The following DCAF6 variants were observed in gnomAD, a reference collection of about 807,000 sequenced individuals.
The protein encoded by DCAF6 is DDB1 and CUL4 associated factor 6.
A neutral mutation model predicts 125.1 loss-of-function variants in DCAF6; 54 were observed. That is an observed-to-expected ratio of 0.43 (90% confidence interval 0.35 to 0.54). The LOEUF (loss-of-function observed/expected upper bound fraction) is 0.54, where lower values mean the gene tolerates loss of function less well. DCAF6 is among the 20% of genes least tolerant of loss of function. DCAF6 has a pLI of 0.01. For synonymous variants in DCAF6, 371 were observed against 390.4 expected (o/e 0.95, Z 0.58); for missense variants, 934 against 1,161.7 (o/e 0.80, Z 2.85).
the DCAF6 span, among the ~76,000 whole-genome samples, chr1:167,892,468 C>T: frequency 6.6e-6 from 1 of 152,282 alleles, no homozygotes; most frequent in Admixed American, 6.5e-5. Flanking sequence ...ACCAGGTAAA[C>T]ATTTTTCCTA....
At chr1:168,032,082 T>C (rs541313497) in intron 12 of DCAF6, among the ~76,000 whole-genome samples, 2 of 152,364 alleles carry the variant, frequency 1.3e-5, no homozygotes, top group South Asian at 2.1e-4. Flanking sequence ...GTTAAAATTA[T>C]TATAATTGAC....
the DCAF6 span, among the ~76,000 whole-genome samples, chr1:167,870,736 G>A: frequency 1.3e-5 from 2 of 151,598 alleles, no homozygotes; most frequent in Non-Finnish European, 2.9e-5. Flanking sequence ...TTGAACCCAG[G>A]AGGCGGAGGT....
At chr1:168,004,046 G>T in intron 9 of DCAF6, 57 bp downstream of exon 9, 1 of 1,578,652 alleles carries the variant, frequency 6.3e-7, no homozygotes, top group East Asian at 2.3e-5. Context: ...ACTTATTGAA[G>T]CCAGTTTTTA....
chr1:168,075,286 T>G (rs1693677949), intron 21 of DCAF6, 85 bp from the exon 22 acceptor site: 1 of 1,297,320 alleles, frequency 7.7e-7, no homozygotes, highest in African/African-American at 1.5e-5. Flanking sequence ...TTTTAATGCG[T>G]TTTAAATAAA....
At chr1:167,938,839 C>G (rs1671775053) in intron 1 of DCAF6, among the ~76,000 whole-genome samples, 1 of 152,076 alleles carries the variant, frequency 6.6e-6, no homozygotes, top group South Asian at 2.1e-4. Context: ...CTGCTTTTCC[C>G]CCTCCTACTC....
intron 2 of DCAF6, among the ~76,000 whole-genome samples, chr1:167,962,610 G>A (rs531682051): frequency 3.3e-5 from 5 of 152,100 alleles, no homozygotes; most frequent in South Asian, 2.1e-4. Context: ...TGGATTTCTT[G>A]TAAACAACAT....
chr1:167,935,795 A>T, upstream of DCAF6: 1 of 1,559,498 alleles, frequency 6.4e-7, no homozygotes, highest in Non-Finnish European at 8.7e-7. Context: ...TTTATCGAGG[A>T]GCCGGTGGTA....
chr1:167,954,639 A>C (rs1246597885), intron 2 of DCAF6, among the ~76,000 whole-genome samples: 1 of 151,560 alleles, frequency 6.6e-6, no homozygotes, highest in Non-Finnish European at 1.5e-5. Context: ...TTTTTAGTAG[A>C]GACGGTGTTT....
intron 4 of DCAF6, among the ~76,000 whole-genome samples, chr1:167,986,048 A>G (rs1219228514): frequency 6.6e-6 from 1 of 152,132 alleles, no homozygotes; most frequent in African/African-American, 2.4e-5. Context: ...AATAGTAATG[A>G]TTTGTTCATT....
chr1:167,938,901 G>A (rs761816060), intron 1 of DCAF6, among the ~76,000 whole-genome samples: 1 of 152,034 alleles, frequency 6.6e-6, no homozygotes, highest in Admixed American at 6.5e-5. Flanking sequence ...GGAATTGAAG[G>A]GTTCACTGAC....
chr1:168,069,428 C>T (rs1692759737), intron 21 of DCAF6, among the ~76,000 whole-genome samples: 1 of 152,168 alleles, frequency 6.6e-6, no homozygotes, highest in Non-Finnish European at 1.5e-5. Context: ...AAACTCTTTC[C>T]CACCTCAGGG....
chr1:167,895,709 C>T, the DCAF6 span, among the ~76,000 whole-genome samples: 7 of 152,138 alleles, frequency 4.6e-5, no homozygotes, highest in East Asian at 1.9e-4. Flanking sequence ...GTCTGAGACT[C>T]GGGTGATGTA....
chr1:167,877,087 C>T, the DCAF6 span, among the ~76,000 whole-genome samples: 50,191 of 151,448 alleles, frequency 0.33, 9,386 homozygotes, highest in African/African-American at 0.5. Flanking sequence ...TATTTTTGCA[C>T]ACCACTGAAG....
the DCAF6 span, among the ~76,000 whole-genome samples, chr1:167,922,733 T>C: frequency 6.6e-6 from 1 of 152,174 alleles, no homozygotes; most frequent in Non-Finnish European, 1.5e-5. Context: ...GATTGAGTCA[T>C]AGCCAATTCC....
Position 168,057,845 on chromosome 1 carries a change from C to A in DCAF6, c.2301-5776C>A, listed in dbSNP as rs963154582. 2.0e-5 allele frequency among the ~76,000 whole-genome samples: 3 copies of A among 151,838 alleles called. No individual in the cohort carries two copies. The East Asian group carries it at 5.8e-4, about 29-fold the overall frequency. On this transcript the variant is annotated intron_variant, in intron 17 of 21. Coordinates refer to ENST00000367840, the MANE Select transcript of DCAF6 (RefSeq NM_001198956.2). Reference sequence around the variant, plus strand: ...ATCATTGTTAGTTCATACTTGGCTCCTTTTCTTTCTTTCTTTAGATACCCA... The same window carrying A: ...ATCATTGTTAGTTCATACTTGGCTCATTTTCTTTCTTTCTTTAGATACCCA...
At chr1:167,913,479 A>T in the DCAF6 span, among the ~76,000 whole-genome samples, 3 of 152,190 alleles carry the variant, frequency 2.0e-5, no homozygotes, top group African/African-American at 7.2e-5. Context: ...TAGCCATGGT[A>T]ATTTTTCTTC....
In DCAF6 at chr1:168,044,978, G is replaced by T; in HGVS notation, c.2009G>T (p.Cys670Phe). Residue 670 changes from cysteine to phenylalanine, a missense_variant, in exon 16 of 22, where the codon TGT (cysteine) becomes TTT (phenylalanine). This residue lies in a region of DCAF6 where 559 missense variants were observed against 635.5 expected (regional missense o/e 0.88). Transcript: ENST00000367840. ...ERNDLNLDRSCGVPEESASSE... is the reference protein window; with the variant it reads ...ERNDLNLDRSFGVPEESASSE... ...AATGACCTCAATCTTGATCGCTCTT[G>T]TGGGGTTCCAGAAGAATCTGCTTCA... The T allele has an allele frequency of 6.2e-7, 1 of 1,614,130 alleles. No homozygotes were observed. Among genetic ancestry groups the T allele is most frequent in the Non-Finnish European group, 8.5e-7 (1 of 1,179,984 alleles).
the DCAF6 span, among the ~76,000 whole-genome samples, chr1:167,865,859 C>T: frequency 5.7e-3 from 863 of 152,328 alleles, 7 homozygotes; most frequent in Non-Finnish European, 8.2e-3. Context: ...CTCCAGTCCA[C>T]CAGGCGTGGG....
the DCAF6 span, among the ~76,000 whole-genome samples, chr1:167,900,617 C>T: frequency 1.3e-5 from 2 of 152,092 alleles, no homozygotes; most frequent in African/African-American, 4.8e-5. Flanking sequence ...ACTGCAACCT[C>T]CGCCTCCTGG....
Sources: allele counts gnomAD v4.1 joint callset (sites outside exome capture counted in the v4.1 genomes callset), GRCh38; gene constraint gnomAD v4.1.1; regional missense constraint gnomAD v4.1.1; transcripts MANE v1.5; gene names NCBI Gene and HGNC (gene_info 2026-07-23, HGNC 2026-07-21).